DIP2A: variants seen among roughly 807,000 people sequenced by gnomAD.
The protein encoded by DIP2A is DIP2 acetate--CoA ligase A, also known as disco-interacting protein 2 homolog A.
A neutral mutation model predicts 177.4 loss-of-function variants in DIP2A; 85 were observed. The ratio of observed to expected loss-of-function variants is 0.48; its 90% CI spans 0.40 to 0.57. The LOEUF is 0.57. DIP2A is among the 20% of genes least tolerant of loss of function. The pLI is 0.00. For synonymous variants in DIP2A, 886 were observed against 881.8 expected (o/e 1.00, Z -0.08); for missense variants, 1,791 against 2,100.2 (o/e 0.85, Z 2.88).
chr21:46,469,539 ATAGT>A (rs1023194294), intron 1 of DIP2A, among the ~76,000 whole-genome samples: 16 of 152,186 alleles, frequency 1.1e-4, no homozygotes, highest in African/African-American at 3.9e-4. Context: ...ATCTAATCTA[ATAGT>A]TTGTTTGGGG....
At position 46,543,018 on chromosome 21, in the gene DIP2A, G is replaced by T. The variant is rs544538086; in HGVS notation, c.2176+1123G>T. Reference sequence around the variant, plus strand: ...ATCCCTGTGTGTGCACAGATGCTGGGTCCTCATTGAATAAGACTGAAGTAT... The same window carrying T: ...ATCCCTGTGTGTGCACAGATGCTGGTTCCTCATTGAATAAGACTGAAGTAT... On this transcript the variant is annotated intron_variant, in intron 18 of 37. Coordinates refer to ENST00000417564, the MANE Select transcript of DIP2A (RefSeq NM_015151.4). 4.6e-5 allele frequency among the ~76,000 whole-genome samples: 7 copies of T among 152,352 alleles called. No individual in the cohort carries two copies. In the East Asian group the frequency reaches 1.4e-3, roughly 29 times the overall value.
At chr21:46,522,696 A>G (rs2058876718) in intron 8 of DIP2A, among the ~76,000 whole-genome samples, 1 of 152,170 alleles carries the variant, frequency 6.6e-6, no homozygotes, top group South Asian at 2.1e-4. Context: ...CGTCATGTGA[A>G]ATCAAAACCG....
chr21:46,528,567 T>C (rs960211964), intron 8 of DIP2A, among the ~76,000 whole-genome samples: 1 of 111,770 alleles, frequency 8.9e-6, no homozygotes, highest in African/African-American at 3.3e-5. Context: ...TTTTTTTTTT[T>C]TAGATAATGT....
Position 46,551,698 on chromosome 21 carries a change from C to T in DIP2A, c.2904C>T (p.Ser968=), listed in dbSNP as rs751372562. 1.1e-5 allele frequency: 18 copies of T among 1,613,848 alleles called. No individual in the cohort carries two copies. Among genetic ancestry groups the T allele is most frequent in the African/African-American group, 2.7e-5 (2 of 74,916 alleles). The change falls in exon 24 of 38, where the codon TCC becomes TCT. Residue 968 remains serine, a synonymous_variant. Transcript: ENST00000417564. ...CTGGGAAGAGAATCGCTCAGGCTTC[C>T]GGGAGAGAGCTCGCCCACCTGGAGG... is the stretch of plus-strand genomic sequence containing the variant. The part of the protein sequence containing the change: ...LVAGKRIAQA[S]GRELAHLEDS...
chr21:46,512,423 A>T (rs1172107999), intron 8 of DIP2A, among the ~76,000 whole-genome samples: 1 of 152,142 alleles, frequency 6.6e-6, no homozygotes, highest in Non-Finnish European at 1.5e-5. Context: ...TGAGTATGTG[A>T]GGGGTTCCAG....
At chr21:46,494,019 C>T (rs2057168579) in intron 3 of DIP2A, among the ~76,000 whole-genome samples, 1 of 152,198 alleles carries the variant, frequency 6.6e-6, no homozygotes. Flanking sequence ...TTCTCGATCT[C>T]TGTCATTTTG....
rs2060842148 is a variant in DIP2A at position 46,566,505 on chromosome 21, C to T, written c.4340-55C>T. 4.3e-6 allele frequency: 7 copies of T among 1,611,072 alleles called. 1 individual carries two copies. In the Admixed American group the frequency reaches 1.2e-4, roughly 27 times the overall value. ...GGTTGGGCTCAGAGGATACGAATGT[C>T]CAGACTCTGCATGCCTTGGCTTTCT... On this transcript the variant is annotated intron_variant, in intron 36 of 37. Transcript: ENST00000417564.
chr21:46,538,711 T>A, intron 16 of DIP2A, 109 bp downstream of exon 16: 1 of 1,424,838 alleles, frequency 7.0e-7, no homozygotes, highest in Non-Finnish European at 9.4e-7. Flanking sequence ...GCCATTGTCA[T>A]ATAGATACAC....
rs572795584 is a variant in DIP2A, at chr21:46,553,878, C to G, written c.3031-291C>G. 2.7e-4 allele frequency: 76 copies of G among 279,606 alleles called. 1 individual carries two copies. The South Asian group carries it at 2.8e-3, about 10-fold the overall frequency. The allele number at this position is 279,606 out of a possible 1,614,324, so 17.3% of individuals were successfully genotyped here. A position where few individuals can be genotyped will look rare whatever the true frequency, so the allele number is the denominator to read the frequency against. On this transcript the variant is annotated intron_variant, in intron 25 of 37. Transcript: ENST00000417564. ...ACAGATGGTGAGAAAAGACACCAGT[C>G]GTGGACCATGTGCGGTGGCTTATGC...
intron 8 of DIP2A, among the ~76,000 whole-genome samples, chr21:46,524,024 C>T (rs1252351613): frequency 6.6e-6 from 1 of 152,156 alleles, no homozygotes; most frequent in Non-Finnish European, 1.5e-5. Context: ...TTCAGGCAGC[C>T]GCTTGTCAGT....
Position 46,459,248 on chromosome 21 carries a change from C to A in DIP2A, c.91+26C>A, listed in dbSNP as rs555809018. On this transcript the variant is annotated intron_variant, in intron 1 of 37. Coordinates refer to ENST00000417564, the MANE Select transcript of DIP2A (RefSeq NM_015151.4). ...GTGAGCCGGACCCCGCCCTCAACCC[C>A]CGCGACCCGCCCTCAGCCCGGTCCC... 2.7e-6 allele frequency: 4 copies of A among 1,505,614 alleles called. No homozygotes were observed. In the South Asian group the frequency reaches 5.0e-5, roughly 19 times the overall value. The allele number at this position is 1,505,614 out of a possible 1,614,324, so 93.3% of individuals were successfully genotyped here.
At chr21:46,472,307 T>A (rs1342498137) in intron 1 of DIP2A, among the ~76,000 whole-genome samples, 2 of 152,210 alleles carry the variant, frequency 1.3e-5, no homozygotes, top group Non-Finnish European at 2.9e-5. Context: ...AAAATAAATG[T>A]CTGTTGTTTA....
In DIP2A at chr21:46,557,111, C is replaced by G; in HGVS notation, c.3629+42C>G. The G allele has an allele frequency of 6.4e-7, 1 of 1,556,224 alleles. No homozygotes were observed. The highest frequency in any genetic ancestry group is 1.2e-5 in the South Asian group (1 of 86,072). ...TGCTGCCTGCCAGGTGGGAGCAGCT[C>G]GTGTGGCTCTTAGGAACCTTGGCCT... On this transcript the variant is annotated intron_variant, in intron 30 of 37. Transcript: ENST00000417564. This position sits in a 1 kb window ranked among gnomAD's most constrained non-coding sequence, Gnocchi z 6.0.
chr21:46,510,732 G>A (rs1343356568), intron 7 of DIP2A, among the ~76,000 whole-genome samples: 4 of 146,938 alleles, frequency 2.7e-5, no homozygotes, highest in Middle Eastern at 3.6e-3. Flanking sequence ...CTGAGTTCAC[G>A]CCATTCTCCT....
intron 8 of DIP2A, among the ~76,000 whole-genome samples, chr21:46,516,488 C>CCTT (rs2058579913): frequency 2.6e-5 from 2 of 76,380 alleles, no homozygotes; most frequent in African/African-American, 8.9e-5. Flanking sequence ...TCTGAAATTT[C>CCTT]TTTTTTTTTT....
chr21:46,516,489 T>C (rs78283293), intron 8 of DIP2A, among the ~76,000 whole-genome samples: 5,189 of 96,106 alleles, frequency 0.054, 453 homozygotes, highest in African/African-American at 0.17. Context: ...CTGAAATTTC[T>C]TTTTTTTTTT....
chr21:46,482,238 G>C (rs1219832209), intron 1 of DIP2A, among the ~76,000 whole-genome samples: 1 of 152,198 alleles, frequency 6.6e-6, no homozygotes, highest in Non-Finnish European at 1.5e-5. Context: ...GGAGTACTAT[G>C]AACAACTGTA....
intron 34 of DIP2A, among the ~76,000 whole-genome samples, chr21:46,562,486 A>G (rs1054306126): frequency 6.6e-6 from 1 of 152,218 alleles, no homozygotes; most frequent in Admixed American, 6.5e-5. Flanking sequence ...GTTCACTGCC[A>G]TGGCCACAGC....
At chr21:46,482,000 A>C (rs1483501018) in intron 1 of DIP2A, among the ~76,000 whole-genome samples, 1 of 152,322 alleles carries the variant, frequency 6.6e-6, no homozygotes, top group Admixed American at 6.5e-5. Context: ...GCAGTGAGCC[A>C]GTTGTGCCAC....
Sources: allele counts gnomAD v4.1 joint callset (sites outside exome capture counted in the v4.1 genomes callset), GRCh38; gene constraint gnomAD v4.1.1; non-coding constraint Gnocchi (gnomAD v3.1); transcripts MANE v1.5; gene names NCBI Gene and HGNC (gene_info 2026-07-23, HGNC 2026-07-21).